ADAMTSL3: variants seen among roughly 807,000 people sequenced by gnomAD.
ADAMTSL3 encodes the protein ADAMTS-like protein 3.
Under a neutral mutation model 201.7 loss-of-function variants are expected in ADAMTSL3, and 128 were observed. The observed-to-expected ratio is 0.63, with a 90% confidence interval of 0.55 to 0.73. The LOEUF (loss-of-function observed/expected upper bound fraction) is 0.73. Among genes scored for constraint, ADAMTSL3 ranks in the 30% least tolerant of loss-of-function variants. ADAMTSL3 has a pLI of 0.00. For missense variants in ADAMTSL3, 1,990 were observed against 2,119.6 expected (o/e 0.94, Z 1.20); for synonymous variants, 738 against 748.4 (o/e 0.99, Z 0.23).
chr15:83,773,949 C>G (rs902793428), intron 4 of ADAMTSL3, among the ~76,000 whole-genome samples: 4 of 152,122 alleles, frequency 2.6e-5, no homozygotes, highest in African/African-American at 4.8e-5. Context: ...AGCAAGAGGT[C>G]AAGTCTTCTG....
At chr15:83,817,266 C>G (rs749957739) in intron 5 of ADAMTSL3, among the ~76,000 whole-genome samples, 15 of 152,266 alleles carry the variant, frequency 9.9e-5, no homozygotes, top group Admixed American at 3.3e-4. Flanking sequence ...AAGAGGAAAA[C>G]TGTATTTAAA....
chr15:83,956,679 GCACA>G (rs34711242), intron 19 of ADAMTSL3, among the ~76,000 whole-genome samples: 9 of 148,836 alleles, frequency 6.0e-5, no homozygotes, highest in South Asian at 2.1e-4. Context: ...CACCGCACAG[GCACA>G]CACACACACA....
intron 2 of ADAMTSL3, among the ~76,000 whole-genome samples, chr15:83,676,583 C>T (rs556969817): frequency 1.3e-5 from 2 of 152,126 alleles, no homozygotes; most frequent in Non-Finnish European, 2.9e-5. Flanking sequence ...GAGGCTGAGG[C>T]AGGAGAATGG....
intron 20 of ADAMTSL3, among the ~76,000 whole-genome samples, chr15:83,977,011 G>A (rs760330773): frequency 5.3e-5 from 8 of 152,250 alleles, no homozygotes; most frequent in Middle Eastern, 3.4e-3. Context: ...AGCCATGGAC[G>A]GATACTGGTC....
At chr15:83,876,484 A>C (rs903253432) in intron 9 of ADAMTSL3, among the ~76,000 whole-genome samples, 1 of 152,086 alleles carries the variant, frequency 6.6e-6, no homozygotes, top group Non-Finnish European at 1.5e-5. Context: ...CAGTTTGCCT[A>C]TACAGAAGTT....
chr15:83,749,735 C>A (rs1444149489), intron 3 of ADAMTSL3, among the ~76,000 whole-genome samples: 2 of 152,076 alleles, frequency 1.3e-5, no homozygotes, highest in African/African-American at 4.8e-5. Context: ...GGCAGGAGGT[C>A]CAAGGCAGGA....
At chr15:83,923,628 G>A (rs532142673) in intron 16 of ADAMTSL3, among the ~76,000 whole-genome samples, 1 of 152,314 alleles carries the variant, frequency 6.6e-6, no homozygotes, top group East Asian at 1.9e-4. Context: ...TGGATGGGGA[G>A]TTGGGATGCT....
intron 8 of ADAMTSL3, among the ~76,000 whole-genome samples, chr15:83,859,568 TA>T (rs2064813014): frequency 6.6e-6 from 1 of 152,222 alleles, no homozygotes; most frequent in African/African-American, 2.4e-5. Flanking sequence ...GCTATTGTTT[TA>T]ATCCACTATT....
At chr15:83,907,745 T>G (rs2141944843) in intron 15 of ADAMTSL3, among the ~76,000 whole-genome samples, 1 of 152,352 alleles carries the variant, frequency 6.6e-6, no homozygotes, top group African/African-American at 2.4e-5. Flanking sequence ...TTCCATTGTG[T>G]ATATAGGCTA....
rs1314921354 is a variant in ADAMTSL3, at chr15:83,913,125, C to A, written c.1734C>A (p.Thr578=). 6.2e-7 allele frequency: 1 copy of A among 1,613,960 alleles called. No homozygotes were observed. The highest frequency in any genetic ancestry group is 8.5e-7 in the Non-Finnish European group (1 of 1,180,036). Residue 578 remains threonine (T), a synonymous_variant, in exon 16 of 30, where the codon ACC becomes ACA. Transcript: ENST00000286744. ...CAGAACCCTGGTCAGCCTGCAGTAC[C>A]ACGTGTGGGCCGGGTGTGCAGGTCC... ...FIPEPWSACS[T]TCGPGVQVRE... is the part of the protein sequence containing the mutation.
At chr15:83,770,075 A>G (rs1738943180) in intron 3 of ADAMTSL3, among the ~76,000 whole-genome samples, 1 of 152,140 alleles carries the variant, frequency 6.6e-6, no homozygotes, top group Non-Finnish European at 1.5e-5. Flanking sequence ...ACAACAACAA[A>G]AATACGTTAA....
intron 4 of ADAMTSL3, among the ~76,000 whole-genome samples, chr15:83,794,264 A>G (rs1456967706): frequency 7.2e-5 from 11 of 152,218 alleles, no homozygotes; most frequent in Non-Finnish European, 1.5e-4. Context: ...TTAAAAAAAT[A>G]AACATGCAAC....
chr15:83,663,834 G>A (rs1050920681), intron 2 of ADAMTSL3, among the ~76,000 whole-genome samples: 1 of 152,250 alleles, frequency 6.6e-6, no homozygotes, highest in African/African-American at 2.4e-5. Context: ...GATCCAGTGA[G>A]AATCTGGTGG....
intron 4 of ADAMTSL3, among the ~76,000 whole-genome samples, chr15:83,785,438 C>T (rs1400080506): frequency 6.6e-6 from 1 of 152,122 alleles, no homozygotes; most frequent in Non-Finnish European, 1.5e-5. Flanking sequence ...GTTCCTTTCC[C>T]ATAAAGCTTG....
At chr15:83,766,404 T>C (rs558036158) in intron 3 of ADAMTSL3, among the ~76,000 whole-genome samples, 1 of 152,322 alleles carries the variant, frequency 6.6e-6, no homozygotes, top group East Asian at 1.9e-4. Flanking sequence ...GAAATGCGAA[T>C]TCCTCATGAA....
In ADAMTSL3 at chr15:83,963,915, A is replaced by G. The variant is rs57028207; in HGVS notation, c.2491-6569A>G. 1.7e-3 allele frequency among the ~76,000 whole-genome samples: 261 copies of G among 152,334 alleles called. 7 individuals carry two copies. The East Asian group carries it at 0.048, about 28-fold the overall frequency. On this transcript the variant is annotated intron_variant, in intron 19 of 29. Coordinates refer to ENST00000286744, the MANE Select transcript of ADAMTSL3 (RefSeq NM_207517.3). ...AACTCCAGCAGACCTGCAGCAGAGG[A>G]GCCTGACTATTAGAAGGAAAATTAA...
chr15:83,933,857 G>A (rs976065207), intron 17 of ADAMTSL3, among the ~76,000 whole-genome samples: 1 of 152,214 alleles, frequency 6.6e-6, no homozygotes, highest in Non-Finnish European at 1.5e-5. Context: ...AAGCCTTGGT[G>A]GCTTCCACGT....
chr15:83,942,204 T>G (rs908667656), intron 17 of ADAMTSL3, among the ~76,000 whole-genome samples: 1 of 152,250 alleles, frequency 6.6e-6, no homozygotes, highest in African/African-American at 2.4e-5. Context: ...CCAGGTGCCC[T>G]GAAGATTTCC....
intron 3 of ADAMTSL3, among the ~76,000 whole-genome samples, chr15:83,708,648 T>C (rs1189718456): frequency 6.6e-6 from 1 of 152,240 alleles, no homozygotes; most frequent in Non-Finnish European, 1.5e-5. Context: ...TTTTGGACTT[T>C]GGATTCTTTA....
Sources: allele counts gnomAD v4.1 joint callset (sites outside exome capture counted in the v4.1 genomes callset), GRCh38; gene constraint gnomAD v4.1.1; transcripts MANE v1.5; gene names NCBI Gene and HGNC (gene_info 2026-07-23, HGNC 2026-07-21).